The following DLG2 variants were observed in gnomAD, a reference collection of about 807,000 sequenced individuals.
DLG2 encodes the protein disks large homolog 2.
Under a neutral mutation model 132.5 loss-of-function variants are expected in DLG2, and 45 were observed. The ratio of observed to expected loss-of-function variants is 0.34; its 90% CI spans 0.27 to 0.44. DLG2 has a LOEUF of 0.44. Ranked by LOEUF, DLG2 falls within the 20% of genes least tolerant of loss-of-function variation. DLG2 has a pLI of 1.00. For synonymous variants in DLG2, 424 were observed against 419.6 expected (o/e 1.01, Z -0.13); for missense variants, 1,045 against 1,196.9 (o/e 0.87, Z 1.87).
At chr11:84,520,118 C>T (rs2154516405) in intron 7 of DLG2, among the ~76,000 whole-genome samples, 1 of 152,284 alleles carries the variant, frequency 6.6e-6, no homozygotes, top group East Asian at 1.9e-4. Context: ...CCTTATGAGG[C>T]AGGTCATTCT....
chr11:84,045,205 G>T (rs768584292), intron 11 of DLG2, among the ~76,000 whole-genome samples: 1 of 151,636 alleles, frequency 6.6e-6, no homozygotes, highest in East Asian at 2.0e-4. Context: ...TATACCTGTG[G>T]TATTCACTTT....
chr11:84,714,549 TTCTC>T (rs372265200), intron 6 of DLG2, among the ~76,000 whole-genome samples: 2,500 of 58,954 alleles, frequency 0.042, 170 homozygotes, highest in African/African-American at 0.28. Flanking sequence ...CTCTTTCTCT[TTCTC>T]TCTCTTTCTC....
chr11:83,894,799 C>T (rs1191183145), intron 15 of DLG2, among the ~76,000 whole-genome samples: 1 of 152,140 alleles, frequency 6.6e-6, no homozygotes, highest in Non-Finnish European at 1.5e-5. Context: ...TTTCCCCAGC[C>T]CCTTCTCTTC....
intron 7 of DLG2, among the ~76,000 whole-genome samples, chr11:84,321,899 T>C (rs1462214678): frequency 1.3e-5 from 2 of 152,214 alleles, no homozygotes; most frequent in Admixed American, 1.3e-4. Context: ...CCTTCTAAGA[T>C]AGCTCATGTC....
chr11:83,841,581 C>A (rs1189989662), intron 16 of DLG2, among the ~76,000 whole-genome samples: 2 of 152,178 alleles, frequency 1.3e-5, no homozygotes, highest in Non-Finnish European at 2.9e-5. Flanking sequence ...CTAGAGTGAG[C>A]AACTTCAGGG....
chr11:84,855,658 C>T (rs78583184), intron 6 of DLG2, among the ~76,000 whole-genome samples: 92 of 152,168 alleles, frequency 6.0e-4, no homozygotes, highest in Non-Finnish European at 1.0e-3. Flanking sequence ...AAGAATTATG[C>T]ATGAGTTAGG....
intron 7 of DLG2, among the ~76,000 whole-genome samples, chr11:84,340,789 A>G (rs1433943769): frequency 1.3e-5 from 2 of 151,028 alleles, no homozygotes; most frequent in Non-Finnish European, 2.9e-5. Flanking sequence ...GCAAAACTGA[A>G]AGATACCAAA....
At chr11:85,278,234 C>A (rs1043326590) in intron 4 of DLG2, among the ~76,000 whole-genome samples, 1 of 152,214 alleles carries the variant, frequency 6.6e-6, no homozygotes. Context: ...CTGAGGCTTA[C>A]TTTCCTCTTC....
chr11:83,642,750 T>C (rs1388495176), intron 18 of DLG2, among the ~76,000 whole-genome samples: 1 of 152,202 alleles, frequency 6.6e-6, no homozygotes, highest in African/African-American at 2.4e-5. Flanking sequence ...TTATTATTTT[T>C]TAAGGCTCTG....
intron 3 of DLG2, among the ~76,000 whole-genome samples, chr11:85,584,565 T>C (rs1041635627): frequency 2.0e-4 from 30 of 152,152 alleles, no homozygotes; most frequent in Non-Finnish European, 2.9e-5. Flanking sequence ...CTACTTTTAG[T>C]TCTTTAAGAA....
chr11:84,325,813 G>A (rs6592174), intron 7 of DLG2, among the ~76,000 whole-genome samples: 8,334 of 152,144 alleles, frequency 0.055, 505 homozygotes, highest in East Asian at 0.19. Context: ...AAGAGTTTGA[G>A]AAAGATTGCC....
chr11:83,912,148 A>G (rs1305667621), intron 15 of DLG2, among the ~76,000 whole-genome samples: 4 of 118,666 alleles, frequency 3.4e-5, no homozygotes, highest in Non-Finnish European at 7.0e-5. Flanking sequence ...AAAAATAAAA[A>G]TGTCATCAAA....
intron 6 of DLG2, among the ~76,000 whole-genome samples, chr11:84,961,144 T>C (rs4121473): frequency 0.41 from 61,904 of 149,364 alleles, 13,910 homozygotes; most frequent in East Asian, 0.67. Context: ...AGCCTTTATA[T>C]AGGACTTCAG....
chr11:83,476,523 T>C (rs530825451), intron 22 of DLG2, among the ~76,000 whole-genome samples: 14 of 152,232 alleles, frequency 9.2e-5, no homozygotes, highest in African/African-American at 3.1e-4. Flanking sequence ...TATAGTAAAT[T>C]CATGGCAAAT....
intron 6 of DLG2, among the ~76,000 whole-genome samples, chr11:84,750,277 G>A (rs2065939769): frequency 6.6e-6 from 1 of 152,012 alleles, no homozygotes; most frequent in Admixed American, 6.6e-5. Flanking sequence ...TATGTATTAA[G>A]CCCAGCATCC....
chr11:85,117,518 G>A lies in DLG2; in HGVS notation c.283-5783C>T, dbSNP rs1193176063. On this transcript the variant is annotated intron_variant, in intron 5 of 27. Transcript: ENST00000376104. The stretch of plus-strand genomic sequence containing the variant: ...TCGGAAGGCAAAAAACACAATTCCA[G>A]TTTAATAAGAACTTTCCTTGTCTCC... Among the ~76,000 whole-genome samples, 3 of 150,892 alleles carry A rather than the reference G, an allele frequency of 2.0e-5. No homozygotes were observed. The East Asian group carries it at 5.9e-4, about 29-fold the overall frequency.
intron 6 of DLG2, among the ~76,000 whole-genome samples, chr11:84,740,500 C>T (rs890465190): frequency 6.6e-6 from 1 of 150,722 alleles, no homozygotes; most frequent in African/African-American, 2.4e-5. Flanking sequence ...CCCTACCCAG[C>T]CACTGTGGGC....
intron 7 of DLG2, among the ~76,000 whole-genome samples, chr11:84,527,928 T>TCG (rs1467278225): frequency 6.6e-6 from 1 of 151,296 alleles, no homozygotes; most frequent in African/African-American, 2.4e-5. Context: ...TCTCTCTCTC[T>TCG]CTCTCTCGCT....
At position 84,503,899 on chromosome 11, in the gene DLG2, C is replaced by T. The variant is rs558373964; in HGVS notation, c.519+30671G>A. Among the ~76,000 whole-genome samples the T allele has an allele frequency of 1.1e-3, 163 of 152,244 alleles. 1 individual carries two copies. The highest frequency in any genetic ancestry group is 3.7e-3 in the African/African-American group (152 of 41,550). On this transcript the variant is annotated intron_variant, in intron 7 of 27. Transcript: ENST00000376104. The stretch of plus-strand genomic sequence containing the variant: ...CTTCTCAATGTTTATTCCTTCTTAG[C>T]TTCACAAGCACTGTGTACAGAGATT...
Sources: allele counts gnomAD v4.1 joint callset (sites outside exome capture counted in the v4.1 genomes callset), GRCh38; gene constraint gnomAD v4.1.1; transcripts MANE v1.5; gene names NCBI Gene and HGNC (gene_info 2026-07-23, HGNC 2026-07-21).